The following CFDP1 variants were observed in gnomAD, a reference collection of about 807,000 sequenced individuals.
The protein encoded by CFDP1 is chromatin remodeling protein CFDP1.
CFDP1 carries 31 observed loss-of-function variants against 40.1 expected under a neutral mutation model. That is an observed-to-expected ratio of 0.77 (90% CI 0.58 to 1.04). The LOEUF (loss-of-function observed/expected upper bound fraction) is 1.04. Among genes scored for constraint, CFDP1 ranks in the 50% least tolerant of loss-of-function variants. CFDP1 has a pLI of 0.00. For synonymous variants in CFDP1, 167 were observed against 120.0 expected (o/e 1.39, Z -2.56); for missense variants, 423 against 343.4 (o/e 1.23, Z -1.83).
At chr16:75,411,774 G>A (rs1191827158) in intron 4 of CFDP1, 51 bp downstream of exon 4, 2 of 1,548,976 alleles carry the variant, frequency 1.3e-6, no homozygotes, top group Non-Finnish European at 1.8e-6. Flanking sequence ...GTTAGAGAGA[G>A]ACGCTCATTT....
Position 75,327,847 on chromosome 16 carries a change from C to T in CFDP1, c.651-22665G>A, listed in dbSNP as rs547737529. 2.0e-5 allele frequency among the ~76,000 whole-genome samples: 3 copies of T among 152,190 alleles called. No individual in the cohort carries two copies. The South Asian group carries it at 6.2e-4, about 32-fold the overall frequency. ...CAAGCGATTCTCCTGCCTCAGCCTC[C>T]CGAATAGCTGGGATTACAGGTACCC... is the stretch of plus-strand genomic sequence containing the variant. On this transcript the variant is annotated intron_variant, in intron 5 of 6. Transcript: ENST00000283882.
At chr16:75,366,480 G>A (rs757352954) in intron 5 of CFDP1, among the ~76,000 whole-genome samples, 8 of 152,004 alleles carry the variant, frequency 5.3e-5, no homozygotes, top group South Asian at 2.1e-4. Context: ...AAAATCAGCC[G>A]GGTGTGGTGG....
At chr16:75,394,661 T>A (rs1220994635) in intron 5 of CFDP1, 4 of 93,732 alleles carry the variant, frequency 4.3e-5, no homozygotes, top group African/African-American at 1.7e-4. Context: ...TTCTTCGCTT[T>A]TTTTTTTTTT....
chr16:75,355,204 T>C (rs2078637910), intron 5 of CFDP1, among the ~76,000 whole-genome samples: 1 of 152,218 alleles, frequency 6.6e-6, no homozygotes, highest in African/African-American at 2.4e-5. Context: ...TGATGACTGA[T>C]CAGGGTAGTG....
At chr16:75,427,179 A>C (rs2079351657) in intron 1 of CFDP1, among the ~76,000 whole-genome samples, 1 of 152,206 alleles carries the variant, frequency 6.6e-6, no homozygotes. Context: ...AGATAAAATG[A>C]TGGCAAACAG....
chr16:75,374,234 C>CAAAAT (rs893036475), intron 5 of CFDP1, among the ~76,000 whole-genome samples: 17 of 151,394 alleles, frequency 1.1e-4, no homozygotes, highest in African/African-American at 3.4e-4. Context: ...GAGACTGTCT[C>CAAAAT]AAAATAAAAT....
At chr16:75,400,834 G>A (rs1278542598) in intron 4 of CFDP1, among the ~76,000 whole-genome samples, 1 of 152,176 alleles carries the variant, frequency 6.6e-6, no homozygotes, top group African/African-American at 2.4e-5. Context: ...GAGTTGCTGA[G>A]TTTGTTACCT....
chr16:75,323,896 C>G (rs941870455), intron 5 of CFDP1, among the ~76,000 whole-genome samples: 1 of 152,152 alleles, frequency 6.6e-6, no homozygotes, highest in Non-Finnish European at 1.5e-5. Flanking sequence ...TGTGAACACA[C>G]GAGTGGTGTG....
chr16:75,386,787 CTT>C (rs1377679411), intron 5 of CFDP1, among the ~76,000 whole-genome samples: 2 of 152,176 alleles, frequency 1.3e-5, no homozygotes, highest in East Asian at 3.9e-4. Flanking sequence ...TTGGCAAGGA[CTT>C]TATTTCATGA....
chr16:75,336,331 G>GT (rs2078487445), intron 5 of CFDP1, among the ~76,000 whole-genome samples: 1 of 152,178 alleles, frequency 6.6e-6, no homozygotes, highest in South Asian at 2.1e-4. Context: ...CAGGGAAGTT[G>GT]GGCTGCAGCT....
intron 5 of CFDP1, among the ~76,000 whole-genome samples, chr16:75,328,056 G>A (rs1305317162): frequency 6.6e-6 from 1 of 151,676 alleles, no homozygotes. Context: ...TAATAGAACT[G>A]GAAGAATGGA....
At position 75,404,879 on chromosome 16, in the gene CFDP1, C is replaced by CGCTGGACAACGGATAGT. The variant is rs1567674550; in HGVS notation, c.530+6945_530+6946insACTATCCGTTGTCCAGC. Among the ~76,000 whole-genome samples the CGCTGGACAACGGATAGT allele has an allele frequency of 4.6e-5, 7 of 152,212 alleles. No individual in the cohort carries two copies. In the East Asian group the frequency reaches 1.4e-3, roughly 29 times the overall value. Reference sequence around the variant, plus strand: ...GGTGGCTCCATAGCACAACGGATAGCGCGCTGGACTTCTAGACTGGATTTT... The same window carrying CGCTGGACAACGGATAGT: ...GGTGGCTCCATAGCACAACGGATAGCGCTGGACAACGGATAGTGCGCTGGACTTCTAGACTGGATTTT... On this transcript the variant is annotated intron_variant, in intron 4 of 6. Coordinates refer to ENST00000283882, the MANE Select transcript of CFDP1 (RefSeq NM_006324.3).
At chr16:75,417,517 G>T (rs578145500) in intron 1 of CFDP1, among the ~76,000 whole-genome samples, 3 of 152,236 alleles carry the variant, frequency 2.0e-5, no homozygotes, top group Admixed American at 2.0e-4. Context: ...TGAGGAAAAA[G>T]GAAGAATTAA....
chr16:75,357,306 G>C (rs186280661), intron 5 of CFDP1, among the ~76,000 whole-genome samples: 1 of 151,864 alleles, frequency 6.6e-6, no homozygotes, highest in South Asian at 2.1e-4. Flanking sequence ...CCAGGATGGA[G>C]TGTAGTGGCA....
At chr16:75,385,188 T>G (rs1274736663) in intron 5 of CFDP1, among the ~76,000 whole-genome samples, 2 of 151,996 alleles carry the variant, frequency 1.3e-5, no homozygotes, top group Non-Finnish European at 2.9e-5. Context: ...AAGATATTAT[T>G]CCAGGCCAAG....
At chr16:75,396,746 G>C (rs182747679) in intron 4 of CFDP1, among the ~76,000 whole-genome samples, 91 of 142,800 alleles carry the variant, frequency 6.4e-4, no homozygotes, top group African/African-American at 2.1e-3. Flanking sequence ...AGGTATTTAT[G>C]GTACCTGAGA....
At chr16:75,416,398 A>G (rs1201408589) in intron 1 of CFDP1, among the ~76,000 whole-genome samples, 2 of 152,026 alleles carry the variant, frequency 1.3e-5, no homozygotes, top group East Asian at 3.8e-4. Flanking sequence ...AAGACTTTTA[A>G]AATAATTCAG....
intron 4 of CFDP1, chr16:75,409,408 G>A (rs2079135494): frequency 6.6e-6 from 1 of 152,190 alleles, no homozygotes; most frequent in African/African-American, 2.4e-5. Context: ...CAGTGCTGTG[G>A]TGCTGCAGCC....
chr16:75,325,160 C>T (rs1352438202), intron 5 of CFDP1: 3 of 152,420 alleles, frequency 2.0e-5, no homozygotes, highest in Non-Finnish European at 4.4e-5. Context: ...CTAACTCCAG[C>T]TTTATATACC....
Sources: gnomAD v4.1 joint callset for allele counts (sites outside exome capture counted in the v4.1 genomes callset) on GRCh38, gnomAD v4.1.1 for gene constraint, MANE v1.5 for transcripts, NCBI Gene and HGNC (gene_info 2026-07-23, HGNC 2026-07-21) for gene names.